The following MACROD2 variants were observed in gnomAD, a reference collection of about 807,000 sequenced individuals.
MACROD2 encodes ADP-ribose glycohydrolase MACROD2.
A neutral mutation model predicts 70.4 loss-of-function variants in MACROD2; 36 were observed. That is an observed-to-expected ratio of 0.51 (90% CI 0.39 to 0.68). The LOEUF (loss-of-function observed/expected upper bound fraction) is 0.68. MACROD2 is among the 30% of genes least tolerant of loss of function. MACROD2 has a pLI of 0.00. For missense variants in MACROD2, 496 were observed against 538.4 expected, an observed-to-expected ratio of 0.92 and a Z score of 0.78; for synonymous variants, 172 against 178.8, an observed-to-expected ratio of 0.96 and a Z score of 0.30.
At chr20:15,154,696 T>G (rs2076294584) in intron 5 of MACROD2, among the ~76,000 whole-genome samples, 1 of 152,218 alleles carries the variant, frequency 6.6e-6, no homozygotes, top group South Asian at 2.1e-4. Flanking sequence ...TCTCTGTTAC[T>G]GGAGCACTAA....
chr20:15,352,443 C>CTA (rs980804006), intron 6 of MACROD2, among the ~76,000 whole-genome samples: 7 of 151,848 alleles, frequency 4.6e-5, no homozygotes, highest in Admixed American at 1.3e-4. Flanking sequence ...ATCAAAATAT[C>CTA]TATATATATA....
At chr20:15,308,475 T>A (rs1467613174) in intron 6 of MACROD2, among the ~76,000 whole-genome samples, 1 of 152,186 alleles carries the variant, frequency 6.6e-6, no homozygotes, top group Non-Finnish European at 1.5e-5. Context: ...AGTAAATATA[T>A]AAGAAAGATA....
intron 8 of MACROD2, among the ~76,000 whole-genome samples, chr20:15,862,294 A>C (rs1452204240): frequency 6.6e-6 from 1 of 152,212 alleles, no homozygotes; most frequent in African/African-American, 2.4e-5. Context: ...TTGTTCAAAT[A>C]CTAACAGGTT....
intron 6 of MACROD2, among the ~76,000 whole-genome samples, chr20:15,416,701 G>T (rs550055596): frequency 1.3e-5 from 2 of 151,932 alleles, no homozygotes; most frequent in Non-Finnish European, 2.9e-5. Context: ...TCAGGAGATC[G>T]AGACCATCCT....
At chr20:15,919,732 T>G (rs185382218) in intron 10 of MACROD2, among the ~76,000 whole-genome samples, 10 of 152,018 alleles carry the variant, frequency 6.6e-5, no homozygotes, top group Admixed American at 6.5e-4. Context: ...GAGACTCCAT[T>G]TGAAAAAGAA....
intron 15 of MACROD2, among the ~76,000 whole-genome samples, chr20:16,005,436 C>T (rs529308059): frequency 1.7e-4 from 26 of 152,276 alleles, no homozygotes; most frequent in Middle Eastern, 3.4e-3. Context: ...GAAAGCTAAA[C>T]GCAGGCTGTT....
intron 5 of MACROD2, among the ~76,000 whole-genome samples, chr20:15,006,201 A>G (rs114160087): frequency 0.05 from 7,400 of 147,262 alleles, 289 homozygotes; most frequent in African/African-American, 0.1. Flanking sequence ...ATATTATGCA[A>G]CCTTAAAAAG....
chr20:15,420,867 C>G (rs1446076012), intron 6 of MACROD2, among the ~76,000 whole-genome samples: 1 of 152,120 alleles, frequency 6.6e-6, no homozygotes, highest in Admixed American at 6.5e-5. Flanking sequence ...AGGAGGATTA[C>G]TTGATGCTAG....
intron 3 of MACROD2, among the ~76,000 whole-genome samples, chr20:14,103,979 CTTTT>C (rs1417594521): frequency 2.6e-5 from 4 of 152,044 alleles, no homozygotes; most frequent in Admixed American, 1.3e-4. Flanking sequence ...AGTTTTAAAA[CTTTT>C]TTAGGTACAC....
At chr20:15,502,066 T>C (rs1050019899) in intron 8 of MACROD2, among the ~76,000 whole-genome samples, 1 of 152,178 alleles carries the variant, frequency 6.6e-6, no homozygotes, top group African/African-American at 2.4e-5. Context: ...ATCCTTGCTT[T>C]GTCATATTGG....
intron 8 of MACROD2, among the ~76,000 whole-genome samples, chr20:15,665,845 C>A (rs2049889971): frequency 6.6e-6 from 1 of 152,204 alleles, no homozygotes; most frequent in Admixed American, 6.5e-5. Context: ...AACTGACAAT[C>A]CACAGTCCAG....
intron 8 of MACROD2, among the ~76,000 whole-genome samples, chr20:15,508,022 G>A (rs371498516): frequency 6.6e-6 from 1 of 152,146 alleles, no homozygotes; most frequent in Non-Finnish European, 1.5e-5. Context: ...TACTCTGGTG[G>A]GGAGCTCATC....
At chr20:15,853,286 A>G (rs1026275785) in intron 8 of MACROD2, among the ~76,000 whole-genome samples, 3 of 152,194 alleles carry the variant, frequency 2.0e-5, no homozygotes, top group Non-Finnish European at 2.9e-5. Context: ...GACTTTATGT[A>G]GAATTTCTAT....
intron 7 of MACROD2, among the ~76,000 whole-genome samples, chr20:15,471,390 T>C (rs1229288458): frequency 6.6e-6 from 1 of 152,206 alleles, no homozygotes; most frequent in Admixed American, 6.5e-5. Flanking sequence ...ATACCACCCA[T>C]TGTGCGAAGC....
At chr20:15,415,737 G>A (rs1471711117) in intron 6 of MACROD2, among the ~76,000 whole-genome samples, 6 of 152,146 alleles carry the variant, frequency 3.9e-5, no homozygotes, top group Non-Finnish European at 8.8e-5. Flanking sequence ...CATCCATTCA[G>A]CTATCCATTC....
chr20:14,137,602 C>T (rs1418777623), intron 3 of MACROD2, among the ~76,000 whole-genome samples: 1 of 152,132 alleles, frequency 6.6e-6, no homozygotes, highest in African/African-American at 2.4e-5. Context: ...AAATCATATT[C>T]TTATCCTACA....
intron 3 of MACROD2, among the ~76,000 whole-genome samples, chr20:14,419,911 T>C (rs560915684): frequency 1.8e-4 from 28 of 152,208 alleles, no homozygotes; most frequent in African/African-American, 6.7e-4. Flanking sequence ...AAATGTATCA[T>C]GTGGATAAAT....
At position 14,678,155 on chromosome 20, in the gene MACROD2, T is replaced by C. The variant is rs1416358269; in HGVS notation, c.302-6688T>C. Among the ~76,000 whole-genome samples, 5 of 152,278 alleles carry C rather than the reference T, an allele frequency of 3.3e-5. No homozygotes were observed. The East Asian group carries it at 5.8e-4, about 18-fold the overall frequency. On this transcript the variant is annotated intron_variant, in intron 4 of 17. Transcript: ENST00000684519. ...GGTTGCTGCACCATCTCCTGGGTCA[T>C]TGGTGTCCTGCCTGAGCCCCTGCAT...
chr20:14,582,080 C>G (rs1470684176), intron 4 of MACROD2, among the ~76,000 whole-genome samples: 3 of 152,104 alleles, frequency 2.0e-5, no homozygotes, highest in African/African-American at 7.2e-5. Context: ...CACTTCCTAT[C>G]CCATTCAACT....
Sources: allele counts gnomAD v4.1 joint callset (sites outside exome capture counted in the v4.1 genomes callset), GRCh38; gene constraint gnomAD v4.1.1; transcripts MANE v1.5; gene names NCBI Gene and HGNC (gene_info 2026-07-23, HGNC 2026-07-21).